Variants in GON4L observed in about 807,000 individuals in gnomAD.
GON4L encodes the protein GON-4-like protein.
Under a neutral mutation model 211.8 loss-of-function variants are expected in GON4L, and 87 were observed. The ratio of observed to expected loss-of-function variants is 0.41; its 90% CI spans 0.35 to 0.49. The LOEUF is 0.49. GON4L is among the 20% of genes least tolerant of loss of function. GON4L has a pLI of 0.15. For missense variants in GON4L, 2,155 were observed against 2,659.5 expected (o/e 0.81, Z 4.17); for synonymous variants, 875 against 962.6 (o/e 0.91, Z 1.68).
At chr1:155,755,071 T>A (rs1324210647) in intron 27 of GON4L, among the ~76,000 whole-genome samples, 1 of 146,018 alleles carries the variant, frequency 6.8e-6, no homozygotes, top group Non-Finnish European at 1.5e-5. Context: ...TAGCTAATTT[T>A]TTTTTTTTTT....
chr1:155,833,424 C>T (rs1669978060), intron 2 of GON4L, among the ~76,000 whole-genome samples: 1 of 151,834 alleles, frequency 6.6e-6, no homozygotes, highest in Admixed American at 6.6e-5. Context: ...CCGAGGCGGG[C>T]AGATCACAAG....
chr1:155,842,111 G>A (rs557432605), intron 2 of GON4L, among the ~76,000 whole-genome samples: 4 of 151,898 alleles, frequency 2.6e-5, no homozygotes, highest in African/African-American at 7.3e-5. Flanking sequence ...CCTTCCCCCC[G>A]CTCCCCTTTG....
rs75130118 is a variant in GON4L, at chr1:155,848,475, C to T, written c.505+4801G>A. Among the ~76,000 whole-genome samples the T allele has an allele frequency of 3.2e-3, 494 of 152,288 alleles. 1 individual carries two copies. The highest frequency in any genetic ancestry group is 0.011 in the African/African-American group (468 of 41,550). The stretch of plus-strand genomic sequence containing the variant: ...AGGTCTTAAGGGGAAAGCTTCAAGG[C>T]TCTCCATAATCTGGATCTACTCTTT... On this transcript the variant is annotated intron_variant, in intron 2 of 31. Transcript: ENST00000368331.
At chr1:155,823,679 G>C (rs568399475) in intron 3 of GON4L, among the ~76,000 whole-genome samples, 1 of 152,264 alleles carries the variant, frequency 6.6e-6, no homozygotes, top group African/African-American at 2.4e-5. Flanking sequence ...TGGATCACCT[G>C]AGGTCACGAG....
At chr1:155,768,257 CAGAG>C (rs1423127630) in intron 19 of GON4L, among the ~76,000 whole-genome samples, 1 of 142,236 alleles carries the variant, frequency 7.0e-6, no homozygotes. Context: ...GAGCTGAGAT[CAGAG>C]ACAGTGCCAC....
chr1:155,840,674 A>G (rs1267769690), intron 2 of GON4L, among the ~76,000 whole-genome samples: 1 of 152,184 alleles, frequency 6.6e-6, no homozygotes, highest in Non-Finnish European at 1.5e-5. Context: ...AACTCTTGCC[A>G]GGATCTAACA....
In GON4L at chr1:155,787,954, C is replaced by T. The variant is rs574343426; in HGVS notation, c.1748-2580G>A. The stretch of plus-strand genomic sequence containing the variant: ...GTGAGACTCTGTCTCAAACACAAAA[C>T]AAAAACAAAAACAAAATCATTTAAG... On this transcript the variant is annotated intron_variant, in intron 12 of 31. Transcript: ENST00000368331. Among the ~76,000 whole-genome samples, 13 of 152,020 alleles carry T rather than the reference C, an allele frequency of 8.6e-5. No homozygotes were observed. The East Asian group carries it at 2.3e-3, about 27-fold the overall frequency.
intron 2 of GON4L, among the ~76,000 whole-genome samples, chr1:155,830,558 C>G (rs1669663037): frequency 6.6e-6 from 1 of 151,622 alleles, no homozygotes; most frequent in Non-Finnish European, 1.5e-5. Flanking sequence ...ATTACAGGCA[C>G]GAGCCACCGC....
intron 19 of GON4L, among the ~76,000 whole-genome samples, chr1:155,768,031 G>A (rs1571670788): frequency 6.6e-6 from 1 of 152,162 alleles, no homozygotes; most frequent in East Asian, 1.9e-4. Flanking sequence ...AATGAAGGTT[G>A]GGCGTGGTGG....
At chr1:155,821,639 G>C (rs891952042) in intron 4 of GON4L, 91 bp from the exon 5 acceptor site, 2 of 783,182 alleles carry the variant, frequency 2.6e-6, no homozygotes, top group Admixed American at 1.8e-5. Context: ...CCTATGTACA[G>C]GACAAATGAG....
chr1:155,762,496 T>C, intron 22 of GON4L, 122 bp from the exon 23 acceptor site: 2 of 813,074 alleles, frequency 2.5e-6, no homozygotes, highest in Admixed American at 5.9e-5. Flanking sequence ...AAGGAAAAGG[T>C]TTTTGGGAAA....
chr1:155,818,266 C>A (rs552839914), intron 6 of GON4L, among the ~76,000 whole-genome samples: 2 of 152,224 alleles, frequency 1.3e-5, no homozygotes, highest in South Asian at 2.1e-4. Flanking sequence ...GCGCCCACCA[C>A]ACGCCCAGCT....
intron 11 of GON4L, among the ~76,000 whole-genome samples, chr1:155,799,757 G>C (rs1666451111): frequency 6.6e-6 from 1 of 152,146 alleles, no homozygotes; most frequent in Non-Finnish European, 1.5e-5. Flanking sequence ...GTTCTGCCTG[G>C]CCTTTCCTTC....
At chr1:155,770,820 C>T (rs529444031) in intron 19 of GON4L, among the ~76,000 whole-genome samples, 59 of 152,212 alleles carry the variant, frequency 3.9e-4, no homozygotes, top group African/African-American at 1.2e-3. Context: ...GCCAAGATTG[C>T]GCCACTCTAC....
At chr1:155,792,054 A>G (rs1286358757) in intron 12 of GON4L, among the ~76,000 whole-genome samples, 1 of 152,152 alleles carries the variant, frequency 6.6e-6, no homozygotes, top group Non-Finnish European at 1.5e-5. Context: ...TTCAATAAGG[A>G]AAGTATTAAT....
At chr1:155,821,424 A>C in intron 5 of GON4L, 50 bp downstream of exon 5, 2 of 1,140,224 alleles carry the variant, frequency 1.8e-6, no homozygotes, top group Non-Finnish European at 2.7e-6. Context: ...TAGCCAGTTT[A>C]GAGATAACTC....
intron 11 of GON4L, among the ~76,000 whole-genome samples, chr1:155,803,344 A>T (rs1571800213): frequency 2.0e-5 from 3 of 151,228 alleles, no homozygotes; most frequent in Non-Finnish European, 4.4e-5. Flanking sequence ...TGCCAGGTTC[A>T]AGTGATTCTC....
chr1:155,751,374 C>T (rs1238550650), intron 31 of GON4L, among the ~76,000 whole-genome samples: 1 of 151,964 alleles, frequency 6.6e-6, no homozygotes, highest in African/African-American at 2.4e-5. Context: ...GGTGAAACCC[C>T]GTGTCTACTA....
At chr1:155,779,501 G>A (rs1031983834) in intron 14 of GON4L, among the ~76,000 whole-genome samples, 1 of 151,488 alleles carries the variant, frequency 6.6e-6, no homozygotes, top group Admixed American at 6.6e-5. Context: ...ATTTTTAGTA[G>A]AGACGGGGTT....
Sources: gnomAD v4.1 joint callset for allele counts (sites outside exome capture counted in the v4.1 genomes callset) on GRCh38, gnomAD v4.1.1 for gene constraint, MANE v1.5 for transcripts, NCBI Gene and HGNC (gene_info 2026-07-23, HGNC 2026-07-21) for gene names.